The following METTL25 variants were observed in gnomAD, a reference collection of about 807,000 sequenced individuals.
The protein encoded by METTL25 is methyltransferase like 25, also known as probable methyltransferase-like protein 25.
In METTL25, 64 loss-of-function variants were observed where a neutral mutation model predicts 71.6. That is an observed-to-expected ratio of 0.89 (90% CI 0.73 to 1.10). The LOEUF is 1.10. Among genes scored for constraint, METTL25 ranks in the 50% least tolerant of loss-of-function variants. METTL25 has a pLI of 0.00. For missense variants in METTL25, 807 were observed against 707.0 expected, an observed-to-expected ratio of 1.14 and a Z score of -1.60; for synonymous variants, 287 against 250.3, an observed-to-expected ratio of 1.15 and a Z score of -1.38.
At position 82,424,880 on chromosome 12, in the gene METTL25, T is replaced by C. The variant is rs1439069205; in HGVS notation, c.1280-6013T>C. On this transcript the variant is annotated intron_variant, in intron 5 of 11. Coordinates refer to ENST00000248306, the MANE Select transcript of METTL25 (RefSeq NM_032230.3). ...GCTAGTAATCACCAGAAACTGGTAA[T>C]GGAAGAAACAATGAAGTATTCTTCC... Among the ~76,000 whole-genome samples the C allele has an allele frequency of 1.3e-5, 2 of 152,026 alleles. 1 individual carries two copies. The highest frequency in any genetic ancestry group is 4.1e-4 in the South Asian group (2 of 4,820).
Position 82,358,788 on chromosome 12 carries a change from G to C in METTL25, c.223G>C (p.Glu75Gln). ...SASETEALPS[E>Q]TRPLVEAEWE... ...GTCGGAGACGGAGGCCCTGCCCTCA[G>C]AGACGCGCCCCCTAGTGGAAGCAGA... Residue 75 changes from glutamate (E) to glutamine (Q), a missense_variant, in exon 1 of 12, where the codon GAG (glutamate) becomes CAG (glutamine). Glu to Gln is a conservative substitution (Grantham distance 29). Coordinates refer to ENST00000248306, the MANE Select transcript of METTL25 (RefSeq NM_032230.3). The C allele has an allele frequency of 6.2e-7, 1 of 1,613,718 alleles. No individual in the cohort carries two copies. The highest frequency in any genetic ancestry group is 8.5e-7 in the Non-Finnish European group (1 of 1,179,882).
In METTL25 at chr12:82,423,423, G is replaced by T. The variant is rs375570498; in HGVS notation, c.1280-7470G>T. On this transcript the variant is annotated intron_variant, in intron 5 of 11. Transcript: ENST00000248306. Reference sequence around the variant, plus strand: ...GGATTAAAGACTTACATGTTAGACCGAAAACCATAAAAACCCTAGAGGAAA... The same window carrying T: ...GGATTAAAGACTTACATGTTAGACCTAAAACCATAAAAACCCTAGAGGAAA... Among the ~76,000 whole-genome samples, 5 of 152,112 alleles carry T rather than the reference G, an allele frequency of 3.3e-5. No individual in the cohort carries two copies. The South Asian group carries it at 8.3e-4, about 25-fold the overall frequency.
chr12:82,420,175 C>T (rs893650238), intron 5 of METTL25, among the ~76,000 whole-genome samples: 5 of 152,012 alleles, frequency 3.3e-5, no homozygotes, highest in African/African-American at 1.2e-4. Context: ...GAAGCAAGAG[C>T]AGGGGCTGGG....
chr12:82,366,723 AACAG>A (rs907851794), intron 1 of METTL25, among the ~76,000 whole-genome samples: 9 of 152,208 alleles, frequency 5.9e-5, no homozygotes, highest in South Asian at 2.1e-4. Flanking sequence ...TGTTGTTGGA[AACAG>A]ACAGTGAGAG....
chr12:82,463,769 G>C (rs2731298), intron 9 of METTL25, among the ~76,000 whole-genome samples: 1 of 152,008 alleles, frequency 6.6e-6, no homozygotes, highest in African/African-American at 2.4e-5. Flanking sequence ...TTTTTTCATA[G>C]TAGCCATTCT....
At chr12:82,436,216 T>C (rs1171119116) in intron 7 of METTL25, among the ~76,000 whole-genome samples, 2 of 151,494 alleles carry the variant, frequency 1.3e-5, no homozygotes, top group Non-Finnish European at 3.0e-5. Flanking sequence ...AAAAGTTTAA[T>C]AGTGTGTTCT....
rs147891386 is a variant in METTL25 at position 82,382,910 on chromosome 12, A to G, written c.260-3893A>G. On this transcript the variant is annotated intron_variant, in intron 1 of 11. Coordinates refer to ENST00000248306, the MANE Select transcript of METTL25 (RefSeq NM_032230.3). Reference sequence around the variant, plus strand: ...ATTTTAGTAGAAATGAGGTCTTGCTATGTTGCCCAGGCTGATCTCAAACTC... The same window carrying G: ...ATTTTAGTAGAAATGAGGTCTTGCTGTGTTGCCCAGGCTGATCTCAAACTC... Among the ~76,000 whole-genome samples the G allele has an allele frequency of 9.8e-3, 1,495 of 151,988 alleles. 22 individuals are homozygous for G. The highest frequency in any genetic ancestry group is 0.034 in the African/African-American group (1,409 of 41,394).
At chr12:82,474,486 A>T (rs1892764101) in intron 9 of METTL25, 1 of 149,548 alleles carries the variant, frequency 6.7e-6, no homozygotes, top group African/African-American at 2.5e-5. Flanking sequence ...TTGCGTTGTT[A>T]TTTTTTTTTT....
chr12:82,476,088 A>G (rs1892862944), intron 9 of METTL25, among the ~76,000 whole-genome samples: 1 of 152,100 alleles, frequency 6.6e-6, no homozygotes. Context: ...CAAAAGCACA[A>G]TTGAACTAGA....
rs897028896 is a variant in METTL25 at position 82,473,356 on chromosome 12, C to T, written c.1573-3288C>T. ...TGTTTCTCAAGGCCTGGAACAGGAG[C>T]GCAAGGCTCTTCAGCTGACCTAGGG... On this transcript the variant is annotated intron_variant, in intron 9 of 11. Coordinates refer to ENST00000248306, the MANE Select transcript of METTL25 (RefSeq NM_032230.3). Among the ~76,000 whole-genome samples the T allele has an allele frequency of 8.6e-5, 13 of 152,008 alleles. 1 individual carries two copies. Among genetic ancestry groups the T allele is most frequent in the South Asian group, 4.1e-4 (2 of 4,824 alleles).
chr12:82,419,751 A>G (rs1252761608), intron 5 of METTL25, among the ~76,000 whole-genome samples: 1 of 148,712 alleles, frequency 6.7e-6, no homozygotes, highest in African/African-American at 2.5e-5. Flanking sequence ...GAACCCTTTT[A>G]CACTGTTGGG....
chr12:82,389,912 G>T lies in METTL25; in HGVS notation c.521G>T (p.Gly174Val). The change falls in exon 3 of 12, where the codon GGA becomes GTA. Residue 174 changes from glycine (G) to valine (V), a missense_variant. Gly to Val is a moderately radical substitution (Grantham distance 109, BLOSUM62 -3). Transcript: ENST00000248306. ...ELISSIADYYGIKQVIDLGSG... is the reference protein window; with the variant it reads ...ELISSIADYYVIKQVIDLGSG... ...ATCAGCAGTATTGCTGACTACTATGGAATAAAGCAGGTAAGAGTATTTCCG... is the reference window on the plus strand; with the variant it reads ...ATCAGCAGTATTGCTGACTACTATGTAATAAAGCAGGTAAGAGTATTTCCG... The T allele has an allele frequency of 6.5e-7, 1 of 1,538,048 alleles. No homozygotes were observed. Among genetic ancestry groups the T allele is most frequent in the South Asian group, 1.1e-5 (1 of 87,664 alleles).
At position 82,419,229 on chromosome 12, in the gene METTL25, T is replaced by C. The variant is rs12303837; in HGVS notation, c.1280-11664T>C. ...AAAAAAATGCCACAAAGAACACTTA[T>C]TAATAAGGAAGAGAAGCAAGCACCA... On this transcript the variant is annotated intron_variant, in intron 5 of 11. Coordinates refer to ENST00000248306, the MANE Select transcript of METTL25 (RefSeq NM_032230.3). Among the ~76,000 whole-genome samples the C allele has an allele frequency of 2.6e-3, 388 of 152,112 alleles. 1 individual carries two copies. The highest frequency in any genetic ancestry group is 8.0e-3 in the African/African-American group (333 of 41,514).
intron 8 of METTL25, chr12:82,451,207 T>G: frequency 1.5e-6 from 1 of 669,708 alleles, no homozygotes; most frequent in Non-Finnish European, 1.8e-6. Flanking sequence ...AGAAAAGAAT[T>G]TCTTAAAAGT....
At chr12:82,428,182 T>C (rs1201928849) in intron 5 of METTL25, among the ~76,000 whole-genome samples, 2 of 151,904 alleles carry the variant, frequency 1.3e-5, no homozygotes, top group African/African-American at 2.4e-5. Flanking sequence ...TTTGCACATA[T>C]AATTTCTGCC....
intron 1 of METTL25, among the ~76,000 whole-genome samples, chr12:82,368,796 TTGAAA>T (rs1176163938): frequency 2.0e-5 from 3 of 152,198 alleles, no homozygotes; most frequent in Non-Finnish European, 2.9e-5. Context: ...AATCTGGATC[TTGAAA>T]TGAAAAAGTC....
intron 5 of METTL25, among the ~76,000 whole-genome samples, chr12:82,424,748 C>T (rs1342442579): frequency 6.6e-6 from 1 of 151,896 alleles, no homozygotes; most frequent in Non-Finnish European, 1.5e-5. Flanking sequence ...AGTCATCATA[C>T]TGGATTGGGT....
intron 5 of METTL25, among the ~76,000 whole-genome samples, chr12:82,421,916 A>G (rs1888540809): frequency 6.6e-6 from 1 of 152,200 alleles, no homozygotes; most frequent in Middle Eastern, 3.2e-3. Context: ...TGGCTTACCA[A>G]CCAAAAAAAG....
intron 1 of METTL25, among the ~76,000 whole-genome samples, chr12:82,362,319 G>C (rs1169120549): frequency 1.3e-5 from 2 of 152,162 alleles, no homozygotes; most frequent in Non-Finnish European, 2.9e-5. Flanking sequence ...GTCAAATATT[G>C]ACTCCAGCAC....
Sources: allele counts gnomAD v4.1 joint callset (sites outside exome capture counted in the v4.1 genomes callset), GRCh38; gene constraint gnomAD v4.1.1; transcripts MANE v1.5; gene names NCBI Gene and HGNC (gene_info 2026-07-23, HGNC 2026-07-21).